GABRA1: variants seen among roughly 807,000 people sequenced by gnomAD.
GABRA1 encodes the protein gamma-aminobutyric acid receptor subunit alpha-1.
A neutral mutation model predicts 48.9 loss-of-function variants in GABRA1; 9 were observed. The ratio of observed to expected loss-of-function variants is 0.18; its 90% confidence interval spans 0.11 to 0.32. The LOEUF (loss-of-function observed/expected upper bound fraction) is 0.32. Among genes scored for constraint, GABRA1 ranks in the 10% least tolerant of loss-of-function variants. GABRA1 has a pLI of 1.00. For missense variants in GABRA1, 285 were observed against 553.8 expected (o/e 0.51, Z 4.87); for synonymous variants, 210 against 198.7 (o/e 1.06, Z -0.48).
intron 6 of GABRA1, among the ~76,000 whole-genome samples, chr5:161,880,497 A>C (rs529794930): frequency 3.3e-5 from 5 of 152,218 alleles, no homozygotes; most frequent in Non-Finnish European, 5.9e-5. Flanking sequence ...CATTTTTAAG[A>C]CCATGAGGAT....
intron 3 of GABRA1, among the ~76,000 whole-genome samples, chr5:161,859,168 C>T (rs915700906): frequency 6.6e-6 from 1 of 151,646 alleles, no homozygotes; most frequent in African/African-American, 2.4e-5. Flanking sequence ...ATTAGAAGAG[C>T]GTTAGTAACT....
chr5:161,857,822 C>G (rs184993399), intron 3 of GABRA1, among the ~76,000 whole-genome samples: 63 of 151,556 alleles, frequency 4.2e-4, no homozygotes, highest in African/African-American at 1.4e-3. Context: ...TGTCCATAAT[C>G]ACTTTATTTG....
intron 2 of GABRA1, among the ~76,000 whole-genome samples, chr5:161,851,983 A>G (rs79553664): frequency 0.01 from 1,591 of 152,178 alleles, 28 homozygotes; most frequent in African/African-American, 0.036. Flanking sequence ...TCTTCAAAAT[A>G]TATATTCAGT....
intron 7 of GABRA1, among the ~76,000 whole-genome samples, chr5:161,888,423 G>A (rs1468454684): frequency 1.3e-5 from 2 of 152,038 alleles, no homozygotes; most frequent in Non-Finnish European, 2.9e-5. Flanking sequence ...AAATCTGTTA[G>A]GGAAAAAGTT....
rs193276157 is a variant in GABRA1, at chr5:161,880,095, A to G, written c.560-2463A>G. Among the ~76,000 whole-genome samples the G allele has an allele frequency of 1.8e-3, 276 of 152,320 alleles. 1 individual carries two copies. Among genetic ancestry groups the G allele is most frequent in the African/African-American group, 6.2e-3 (259 of 41,584 alleles). ...TTGCCTAGAAAAACACTTACAAAAC[A>G]CAGTAAAGTCAAATGAACGGCATCC... is the stretch of plus-strand genomic sequence containing the variant. On this transcript the variant is annotated intron_variant, in intron 6 of 9. Transcript: ENST00000393943.
intron 7 of GABRA1, among the ~76,000 whole-genome samples, chr5:161,883,582 G>C (rs534119134): frequency 2.9e-4 from 44 of 152,166 alleles, no homozygotes; most frequent in Non-Finnish European, 5.3e-4. Flanking sequence ...AAGCTTTAAC[G>C]AGGGTCAAGA....
At chr5:161,856,903 T>C (rs533461497) in intron 3 of GABRA1, among the ~76,000 whole-genome samples, 2 of 151,436 alleles carry the variant, frequency 1.3e-5, no homozygotes, top group South Asian at 4.2e-4. Flanking sequence ...CTGGCTGCTA[T>C]TAAGTTGACA....
chr5:161,856,513 G>A (rs1757648965), intron 3 of GABRA1, among the ~76,000 whole-genome samples: 1 of 150,952 alleles, frequency 6.6e-6, no homozygotes, highest in African/African-American at 2.4e-5. Context: ...CTGATTCCTG[G>A]TAACAATGCC....
At position 161,875,631 on chromosome 5, in the gene GABRA1, A is replaced by C; in HGVS notation, c.548A>C (p.Lys183Thr). The change falls in exon 6 of 10, where the codon AAA becomes ACA. Residue 183 changes from lysine to threonine, a missense_variant. Lys to Thr is a moderately conservative substitution (Grantham distance 78). This residue lies in a region of GABRA1 where 105 missense variants were observed against 267.4 expected (regional missense o/e 0.39). Coordinates refer to ENST00000393943, the MANE Select transcript of GABRA1 (RefSeq NM_001127644.2). ...ATGGATGCCCATGCTTGCCCACTAA[A>C]ATTTGGAAGTTGTGAGTAAATTTAT... ...FPMDAHACPL[K>T]FGSYAYTRAE... 1 of 1,612,858 alleles carries C rather than the reference A, an allele frequency of 6.2e-7. No homozygotes were observed. Among genetic ancestry groups the C allele is most frequent in the Non-Finnish European group, 8.5e-7 (1 of 1,179,002 alleles).
intron 3 of GABRA1, among the ~76,000 whole-genome samples, chr5:161,863,588 C>T (rs1017377316): frequency 6.6e-6 from 1 of 152,018 alleles, no homozygotes; most frequent in Non-Finnish European, 1.5e-5. Flanking sequence ...CACTTCCCAC[C>T]AGGCCCCAGC....
chr5:161,850,966 A>G lies in GABRA1; in HGVS notation c.74+82A>G, dbSNP rs527312280. On this transcript the variant is annotated intron_variant, in intron 2 of 9. Coordinates refer to ENST00000393943, the MANE Select transcript of GABRA1 (RefSeq NM_001127644.2). ...TATCGGGGGAAGAAAATTGTCCTCA[A>G]ATGAATTTATGACTAAGGGAATTCA... 202 of 1,200,084 alleles carry G rather than the reference A, an allele frequency of 1.7e-4. No homozygotes were observed. In the Admixed American group the frequency reaches 3.3e-3, roughly 19 times the overall value. The allele number at this position is 1,200,084 out of a possible 1,614,324, so 74.3% of individuals were successfully genotyped here.
chr5:161,868,480 TAGA>T (rs1425124956), intron 4 of GABRA1, among the ~76,000 whole-genome samples: 1 of 152,112 alleles, frequency 6.6e-6, no homozygotes, highest in Admixed American at 6.6e-5. Context: ...TTTTCCCCAG[TAGA>T]AGAATTGGGG....
intron 3 of GABRA1, among the ~76,000 whole-genome samples, chr5:161,861,636 C>T (rs548939728): frequency 1.1e-3 from 161 of 151,914 alleles, no homozygotes; most frequent in African/African-American, 3.8e-3. Context: ...CTCTACATAT[C>T]ATCTAGGGGA....
intron 8 of GABRA1, among the ~76,000 whole-genome samples, chr5:161,891,835 G>A (rs548191350): frequency 3.9e-5 from 6 of 152,194 alleles, no homozygotes; most frequent in East Asian, 3.9e-4. Context: ...CACCACTCTC[G>A]TTATGAAAAT....
At chr5:161,873,798 G>A (rs1754228086) in intron 5 of GABRA1, among the ~76,000 whole-genome samples, 1 of 152,090 alleles carries the variant, frequency 6.6e-6, no homozygotes, top group Non-Finnish European at 1.5e-5. Flanking sequence ...ATTCACAATG[G>A]CGTTGATAGC....
chr5:161,873,976 A>T (rs893582540), intron 5 of GABRA1, among the ~76,000 whole-genome samples: 2 of 152,186 alleles, frequency 1.3e-5, no homozygotes, highest in African/African-American at 4.8e-5. Context: ...TAAAGTTTTG[A>T]ATTTTATATA....
intron 2 of GABRA1, among the ~76,000 whole-genome samples, chr5:161,851,987 A>T (rs1430974857): frequency 6.6e-6 from 1 of 152,146 alleles, no homozygotes; most frequent in Admixed American, 6.6e-5. Flanking sequence ...CAAAATATAT[A>T]TTCAGTTTAG....
chr5:161,852,788 G>T (rs953449512), intron 2 of GABRA1, among the ~76,000 whole-genome samples: 1 of 151,890 alleles, frequency 6.6e-6, no homozygotes, highest in Non-Finnish European at 1.5e-5. Context: ...TTTAGTTTTA[G>T]TAACTTTATC....
intron 3 of GABRA1, among the ~76,000 whole-genome samples, chr5:161,864,002 C>T (rs1757958753): frequency 6.6e-6 from 1 of 151,924 alleles, no homozygotes; most frequent in African/African-American, 2.4e-5. Context: ...CCACTGGACA[C>T]TTGCCAAGAG....
Sources: gnomAD v4.1 joint callset for allele counts (sites outside exome capture counted in the v4.1 genomes callset) on GRCh38, gnomAD v4.1.1 for gene constraint, gnomAD v4.1.1 regional missense constraint, MANE v1.5 for transcripts, NCBI Gene and HGNC (gene_info 2026-07-23, HGNC 2026-07-21) for gene names.